The following SLC2A10 variants were observed in gnomAD, a reference collection of about 807,000 sequenced individuals.
The protein encoded by SLC2A10 is solute carrier family 2, facilitated glucose transporter member 10.
In SLC2A10, 25 loss-of-function variants were observed where a neutral mutation model predicts 32.1. That is an observed-to-expected ratio of 0.78 (90% CI 0.57 to 1.09). The LOEUF (loss-of-function observed/expected upper bound fraction) is 1.09, where lower values mean the gene tolerates loss of function less well. SLC2A10 is among the 50% of genes least tolerant of loss of function. The pLI, the probability that SLC2A10 is intolerant of heterozygous loss-of-function variation, is 0.00. For synonymous variants in SLC2A10, 332 were observed against 309.6 expected, an observed-to-expected ratio of 1.07 and a Z score of -0.76; for missense variants, 673 against 686.5, an observed-to-expected ratio of 0.98 and a Z score of 0.22.
At chr20:46,709,620 G>C (rs1035956364), upstream of SLC2A10, 2 of 1,346,506 alleles carry the variant, frequency 1.5e-6, no homozygotes, top group African/African-American at 1.5e-5. Context: ...GGGCAGGAGG[G>C]ACAGAGGCGG....
intron 3 of SLC2A10, among the ~76,000 whole-genome samples, chr20:46,728,064 G>A (rs1488110424): frequency 6.6e-6 from 1 of 151,926 alleles, no homozygotes; most frequent in Admixed American, 6.6e-5. Context: ...GAGTGAGAGA[G>A]GAGAAAGAAG....
intron 1 of SLC2A10, among the ~76,000 whole-genome samples, chr20:46,722,723 A>G (rs1159389924): frequency 1.3e-5 from 2 of 152,246 alleles, no homozygotes; most frequent in Admixed American, 6.5e-5. Flanking sequence ...CATAGGGATC[A>G]GTCATGAAAT....
chr20:46,720,539 T>A (rs148807321), intron 1 of SLC2A10, among the ~76,000 whole-genome samples: 80 of 152,300 alleles, frequency 5.3e-4, no homozygotes, highest in Non-Finnish European at 5.9e-5. Context: ...TGGATATAAA[T>A]TAAACTAATC....
rs929639025 is a variant in SLC2A10, at chr20:46,735,968, A to C, written c.*2134A>C. The C allele has an allele frequency of 6.6e-6, 1 of 152,158 alleles. No homozygotes were observed. The highest frequency in any genetic ancestry group is 2.4e-5 in the African/African-American group (1 of 41,424). 9.4% of individuals were successfully genotyped at this position (152,158 alleles called of 1,614,324 possible). On this transcript the variant is annotated 3_prime_UTR_variant, in exon 5 of 5. Coordinates refer to ENST00000359271, the MANE Select transcript of SLC2A10 (RefSeq NM_030777.4). The stretch of plus-strand genomic sequence containing the variant: ...CAGCATTCATGCCGAACCTATACCC[A>C]TTCTTCAGTGCCTAGCTGTACAGTT...
chr20:46,713,555 CAG>C (rs1267791693), intron 1 of SLC2A10, among the ~76,000 whole-genome samples: 2 of 152,154 alleles, frequency 1.3e-5, no homozygotes, highest in African/African-American at 2.4e-5. Flanking sequence ...GCAGATCCTG[CAG>C]AGTCTTGAAG....
At chr20:46,724,554 A>T (rs1288875492) in intron 1 of SLC2A10, among the ~76,000 whole-genome samples, 1 of 151,996 alleles carries the variant, frequency 6.6e-6, no homozygotes, top group East Asian at 1.9e-4. Context: ...GGGTGGTTGA[A>T]TAGATGGAGT....
chr20:46,728,673 A>C (rs1050402462), intron 3 of SLC2A10, among the ~76,000 whole-genome samples: 2 of 141,502 alleles, frequency 1.4e-5, no homozygotes, highest in African/African-American at 5.4e-5. Context: ...GGTGGAGTGC[A>C]GTGGCATGAT....
In SLC2A10 at chr20:46,726,263, C is replaced by G. The variant is rs748859838; in HGVS notation, c.1227C>G (p.Arg409=). Residue 409 remains arginine (R), a synonymous_variant, in exon 2 of 5, where the codon CGC becomes CGG. Coordinates refer to ENST00000359271, the MANE Select transcript of SLC2A10 (RefSeq NM_030777.4). The stretch of plus-strand genomic sequence containing the variant: ...CCGCTCGGGGGCATGCACTGCTGCG[C>G]TGGACCGCACTGCTGTGCCTGATGG... The part of the protein sequence containing the change: ...PLPARGHALL[R]WTALLCLMVF... 6 of 1,613,158 alleles carry G rather than the reference C, an allele frequency of 3.7e-6. No individual in the cohort carries two copies. The South Asian group carries it at 6.6e-5, about 18-fold the overall frequency.
At chr20:46,729,648 T>G (rs1296950389) in intron 4 of SLC2A10, among the ~76,000 whole-genome samples, 160 bp downstream of exon 4, 32 of 84,500 alleles carry the variant, frequency 3.8e-4, no homozygotes, top group African/African-American at 9.3e-4. Flanking sequence ...TTTTTTTTTT[T>G]TTTTTTTTTT....
chr20:46,729,624 AGTTTTTT>A, intron 4 of SLC2A10, 136 bp downstream of exon 4: 1 of 372,656 alleles, frequency 2.7e-6, no homozygotes, highest in African/African-American at 3.7e-5. Flanking sequence ...GGGCACTATG[AGTTTTTT>A]TTTTTTTTTT....
intron 1 of SLC2A10, among the ~76,000 whole-genome samples, chr20:46,720,004 G>A (rs1979461461): frequency 6.6e-6 from 1 of 152,204 alleles, no homozygotes; most frequent in Admixed American, 6.5e-5. Context: ...TTTACACTGT[G>A]CTAAGCTGTC....
intron 2 of SLC2A10, 135 bp downstream of exon 2, chr20:46,726,459 GC>G: frequency 7.5e-7 from 1 of 1,341,930 alleles, no homozygotes; most frequent in Non-Finnish European, 1.0e-6. Flanking sequence ...AAGCCTCAGG[GC>G]CCCTCACTTA....
rs569796292 is a variant in SLC2A10, at chr20:46,720,684, C to T, written c.5-4357C>T. Among the ~76,000 whole-genome samples, 3 of 152,154 alleles carry T rather than the reference C, an allele frequency of 2.0e-5. No homozygotes were observed. In the South Asian group the frequency reaches 6.2e-4, roughly 32 times the overall value. On this transcript the variant is annotated intron_variant, in intron 1 of 4. Coordinates refer to ENST00000359271, the MANE Select transcript of SLC2A10 (RefSeq NM_030777.4). The stretch of plus-strand genomic sequence containing the variant: ...CAAACTGACCCTTGTGCTCGCTCGT[C>T]ATGTACTCAGGAATCTTTATTCCAT...
chr20:46,723,229 A>G (rs1366142486), intron 1 of SLC2A10, among the ~76,000 whole-genome samples: 1 of 152,110 alleles, frequency 6.6e-6, no homozygotes, highest in East Asian at 1.9e-4. Context: ...TGGCTGCTGA[A>G]GCTCCAGTCA....
At chr20:46,712,971 G>T (rs1979019944) in intron 1 of SLC2A10, among the ~76,000 whole-genome samples, 1 of 152,016 alleles carries the variant, frequency 6.6e-6, no homozygotes, top group South Asian at 2.1e-4. Flanking sequence ...ATCTTAATTT[G>T]AGGACGAGGC....
intron 3 of SLC2A10, 49 bp from the exon 4 acceptor site, chr20:46,729,304 G>A (rs2123061791): frequency 6.2e-7 from 1 of 1,611,794 alleles, no homozygotes; most frequent in Non-Finnish European, 8.5e-7. Context: ...CAGGCTGCGG[G>A]GCCAGAGTGC....
upstream of SLC2A10, among the ~76,000 whole-genome samples, chr20:46,708,656 A>G (rs1480586819): frequency 6.6e-6 from 1 of 152,192 alleles, no homozygotes; most frequent in Non-Finnish European, 1.5e-5. Context: ...ACAGCCTCCC[A>G]GGTGGGAAGG....
At position 46,725,478 on chromosome 20, in the gene SLC2A10, C is replaced by T; in HGVS notation, c.442C>T (p.Leu148=). Residue 148 remains leucine (L), a synonymous_variant, in exon 2 of 5, where the codon CTG becomes TTG. Transcript: ENST00000359271. ...LYEAGITVGI[L]LSYALNYALA... ...TGAGGCAGGCATCACCGTGGGCATC[C>T]TGCTCTCCTATGCCCTCAACTATGC... The T allele has an allele frequency of 1.2e-6, 2 of 1,614,174 alleles. No homozygotes were observed. Among genetic ancestry groups the T allele is most frequent in the Non-Finnish European group, 1.7e-6 (2 of 1,180,018 alleles).
Position 46,734,244 on chromosome 20 carries a change from A to C in SLC2A10, c.*410A>C, listed in dbSNP as rs146660985. ...TCATCTTTTCTAATCTCTTTTTTCA[A>C]CTGGCTGGGACATTTTCGGAAGGGG... On this transcript the variant is annotated 3_prime_UTR_variant, in exon 5 of 5. Transcript: ENST00000359271. 7.2e-4 allele frequency: 159 copies of C among 221,236 alleles called. 2 individuals carry two copies. In the East Asian group the frequency reaches 0.018, roughly 24 times the overall value. 13.7% of individuals were successfully genotyped at this position (221,236 alleles called of 1,614,324 possible).
Sources: allele counts gnomAD v4.1 joint callset (sites outside exome capture counted in the v4.1 genomes callset), GRCh38; gene constraint gnomAD v4.1.1; transcripts MANE v1.5; gene names NCBI Gene and HGNC (gene_info 2026-07-23, HGNC 2026-07-21).